CIT: variants seen among roughly 807,000 people sequenced by gnomAD.
CIT encodes the protein citron rho-interacting serine/threonine kinase.
CIT carries 79 observed loss-of-function variants against 272.7 expected under a neutral mutation model. The ratio of observed to expected loss-of-function variants is 0.29; its 90% CI spans 0.24 to 0.35. The LOEUF is 0.35. Among genes scored for constraint, CIT ranks in the 10% least tolerant of loss-of-function variants. CIT has a pLI of 1.00. For missense variants in CIT, 1,909 were observed against 2,618.3 expected (o/e 0.73, Z 5.91); for synonymous variants, 948 against 995.6 (o/e 0.95, Z 0.90).
At chr12:119,773,675 G>A (rs966747468) in intron 16 of CIT, among the ~76,000 whole-genome samples, 5 of 152,192 alleles carry the variant, frequency 3.3e-5, no homozygotes, top group African/African-American at 7.2e-5. Flanking sequence ...TCAGGAGTTC[G>A]CCTCAGCCTC....
At chr12:119,751,619 A>G (rs73215374) in intron 23 of CIT, among the ~76,000 whole-genome samples, 2 of 145,958 alleles carry the variant, frequency 1.4e-5, no homozygotes, top group South Asian at 2.1e-4. Context: ...AAAAAAAAAA[A>G]AAGTAACATG....
At chr12:119,725,022 T>C (rs948468455) in intron 28 of CIT, among the ~76,000 whole-genome samples, 1 of 150,940 alleles carries the variant, frequency 6.6e-6, no homozygotes, top group African/African-American at 2.4e-5. Context: ...AAAGATCCAT[T>C]AGTAAAGTTT....
chr12:119,720,091 TG>T lies in CIT; in HGVS notation c.3840+386del, dbSNP rs531805874. Among the ~76,000 whole-genome samples, 354 of 152,310 alleles carry T rather than the reference TG, an allele frequency of 2.3e-3. 4 individuals are homozygous for T. Among genetic ancestry groups the T allele is most frequent in the African/African-American group, 8.1e-3 (337 of 41,576 alleles). On this transcript the variant is annotated intron_variant, in intron 30 of 47. Transcript: ENST00000392521. ...TTTCTGGAGTGTGGTACGAGAGACC[TG>T]AACTGCTGAAGCCCCATACTTGTGA...
rs1421727703 is a variant in CIT, at chr12:119,784,019, T to C, written c.1434A>G (p.Arg478=). The change falls in exon 12 of 48, where the codon AGA becomes AGG. Residue 478 remains arginine, a synonymous_variant. Coordinates refer to ENST00000392521, the MANE Select transcript of CIT (RefSeq NM_001206999.2). The surrounding 1 kb of genome is among the most constrained non-coding windows in gnomAD (Gnocchi z 4.7). ...TAAGCACAGCCTCCACCTCTGACAC[T>C]CTCCGATGTAACCGGGTCATTTCCT... The part of the protein sequence containing the change: ...MEQEMTRLHR[R]VSEVEAVLSQ... 2 of 1,612,582 alleles carry C rather than the reference T, an allele frequency of 1.2e-6. No homozygotes were observed. Among genetic ancestry groups the C allele is most frequent in the East Asian group, 2.2e-5 (1 of 44,890 alleles).
intron 40 of CIT, 120 bp from the exon 41 acceptor site, chr12:119,704,575 G>C (rs1424996422): frequency 1.2e-6 from 1 of 845,678 alleles, no homozygotes; most frequent in East Asian, 2.6e-5. Context: ...CATTCTGTGT[G>C]GTGGGGGGAG....
chr12:119,824,439 C>A (rs1968001200), intron 8 of CIT, among the ~76,000 whole-genome samples: 1 of 152,150 alleles, frequency 6.6e-6, no homozygotes, highest in African/African-American at 2.4e-5. Flanking sequence ...GTTAACAGCA[C>A]TGAAATCAAG....
At position 119,791,379 on chromosome 12, in the gene CIT, A is replaced by G. The variant is rs568035147; in HGVS notation, c.1296-6314T>C. 3.9e-4 allele frequency among the ~76,000 whole-genome samples: 60 copies of G among 152,304 alleles called. 1 individual carries two copies. The South Asian group carries it at 0.012, about 31-fold the overall frequency. ...GCTCTGGATACCCAAGAACATCCACATGCCAGGTTGGTTCACAGCCACCCC... is the reference window on the plus strand; with the variant it reads ...GCTCTGGATACCCAAGAACATCCACGTGCCAGGTTGGTTCACAGCCACCCC... On this transcript the variant is annotated intron_variant, in intron 10 of 47. Transcript: ENST00000392521.
At chr12:119,817,747 T>G (rs988488777) in intron 9 of CIT, among the ~76,000 whole-genome samples, 3 of 152,010 alleles carry the variant, frequency 2.0e-5, no homozygotes, top group African/African-American at 7.2e-5. Context: ...CTGTAGAAAT[T>G]CAAATATCAG....
chr12:119,743,459 G>C (rs568422388), intron 23 of CIT, among the ~76,000 whole-genome samples: 2 of 152,292 alleles, frequency 1.3e-5, no homozygotes, highest in East Asian at 3.9e-4. Flanking sequence ...TGAGTGGCTA[G>C]AGCAGAGTTT....
rs1165615595 is a variant in CIT, at chr12:119,712,249, G to T, written c.4783C>A (p.Arg1595Ser). ...ACTGATTCTAAGGCGGTGACCCAGC[G>T]CTGTTTGTCAGGGAAGCTGGGAGCT... is the stretch of plus-strand genomic sequence containing the variant. ...LLAPSFPDKQ[R>S]WVTALESVVA... The change falls in exon 37 of 48, where the codon CGC becomes AGC. Residue 1595 changes from arginine to serine, a missense_variant. By Grantham distance (110) the Arg-to-Ser change is moderately radical. Around this residue, in one of 8 missense-constraint regions of CIT, gnomAD observed 780 missense variants for 1,067.2 expected, o/e 0.73. Coordinates refer to ENST00000392521, the MANE Select transcript of CIT (RefSeq NM_001206999.2). The surrounding 1 kb of genome is among the most constrained non-coding windows in gnomAD (Gnocchi z 5.2). The T allele has an allele frequency of 3.1e-6, 5 of 1,613,994 alleles. No individual in the cohort carries two copies. Among genetic ancestry groups the T allele is most frequent in the Non-Finnish European group, 4.2e-6 (5 of 1,179,986 alleles).
chr12:119,784,955 A>G lies in CIT; in HGVS notation c.1401+5T>C. 1.9e-6 allele frequency: 3 copies of G among 1,614,140 alleles called. No homozygotes were observed. The highest frequency in any genetic ancestry group is 2.5e-6 in the Non-Finnish European group (3 of 1,180,008). On this transcript the variant is annotated splice_donor_5th_base_variant and intron_variant, in intron 11 of 47. Coordinates refer to ENST00000392521, the MANE Select transcript of CIT (RefSeq NM_001206999.2). The surrounding 1 kb of genome is among the most constrained non-coding windows in gnomAD (Gnocchi z 4.7). ...AGGAAGGAGGCCGGCTGCGGAAATA[A>G]ATACCTTGTGACACTTGTCCTGAGA...
rs1955604004 is a variant in CIT, at chr12:119,686,799, C to CT, written c.*1432dup. ...TACCAGTTGCCAGGAATTTCGTACT[C>CT]TAATAGGAGGGTCCGCAGACCCAGT... On this transcript the variant is annotated 3_prime_UTR_variant, in exon 48 of 48. Transcript: ENST00000392521. 2 of 152,744 alleles carry CT rather than the reference C, an allele frequency of 1.3e-5. No homozygotes were observed. The highest frequency in any genetic ancestry group is 2.1e-4 in the South Asian group (1 of 4,826). 9.5% of individuals were successfully genotyped at this position (152,744 alleles called of 1,614,324 possible).
rs1035989916 is a variant in CIT, at chr12:119,708,167, A to G, written c.5211+12T>C. On this transcript the variant is annotated intron_variant, in intron 40 of 47. Coordinates refer to ENST00000392521, the MANE Select transcript of CIT (RefSeq NM_001206999.2). ...GAACATTCCACCAGCTAGGACTCTG[A>G]GGGGAGCTTACCTTGCCTGCCCCAA... 6.5e-7 allele frequency: 1 copy of G among 1,548,318 alleles called. No homozygotes were observed. The highest frequency in any genetic ancestry group is 1.9e-5 in the Admixed American group (1 of 51,442).
chr12:119,777,687 CA>C (rs571856792), intron 13 of CIT, among the ~76,000 whole-genome samples: 2 of 138,684 alleles, frequency 1.4e-5, no homozygotes, highest in East Asian at 4.3e-4. Context: ...CAAAAAAAAA[CA>C]AAAAAAAACA....
At chr12:119,847,896 A>G (rs1969932380) in intron 5 of CIT, among the ~76,000 whole-genome samples, 1 of 152,184 alleles carries the variant, frequency 6.6e-6, no homozygotes, top group South Asian at 2.1e-4. Context: ...ACAGAGTGAG[A>G]CTTTGTCTCA....
chr12:119,718,946 A>G lies in CIT; in HGVS notation c.3841-85T>C, dbSNP rs1343412948. ...AAGGAAATCTGACTCGGGAGGAGCA[A>G]ACCACAAAAGCCAGGAGCATACTCA... On this transcript the variant is annotated intron_variant, in intron 30 of 47. Coordinates refer to ENST00000392521, the MANE Select transcript of CIT (RefSeq NM_001206999.2). The surrounding 1 kb of genome is among the most constrained non-coding windows in gnomAD (Gnocchi z 4.8). 7.2e-7 allele frequency: 1 copy of G among 1,391,682 alleles called. No homozygotes were observed. Among genetic ancestry groups the G allele is most frequent in the African/African-American group, 1.4e-5 (1 of 70,356 alleles). 86.2% of individuals were successfully genotyped at this position (1,391,682 alleles called of 1,614,324 possible).
At chr12:119,700,414 G>A (rs1426711938) in intron 44 of CIT, among the ~76,000 whole-genome samples, 1 of 152,058 alleles carries the variant, frequency 6.6e-6, no homozygotes, top group Non-Finnish European at 1.5e-5. Flanking sequence ...ACAGAGTCTC[G>A]CTTTGTCACC....
chr12:119,733,632 G>A (rs1294196076), intron 26 of CIT, among the ~76,000 whole-genome samples: 9 of 152,060 alleles, frequency 5.9e-5, no homozygotes, highest in African/African-American at 2.2e-4. Context: ...GCAATGTCTA[G>A]AGACATATTT....
intron 24 of CIT, 88 bp from the exon 25 acceptor site, chr12:119,735,445 C>A: frequency 1.5e-6 from 2 of 1,322,594 alleles, no homozygotes. Flanking sequence ...TCTGAACCCA[C>A]GTGACACTGG....
Sources: gnomAD v4.1 joint callset for allele counts (sites outside exome capture counted in the v4.1 genomes callset) on GRCh38, gnomAD v4.1.1 for gene constraint, gnomAD v4.1.1 regional missense constraint, Gnocchi (gnomAD v3.1) non-coding constraint, MANE v1.5 for transcripts, NCBI Gene and HGNC (gene_info 2026-07-23, HGNC 2026-07-21) for gene names.